The following GALNTL6 variants were observed in gnomAD, a reference collection of about 807,000 sequenced individuals.
GALNTL6 encodes polypeptide N-acetylgalactosaminyltransferase-like 6.
In GALNTL6, 46 loss-of-function variants were observed where a neutral mutation model predicts 73.7. The ratio of observed to expected loss-of-function variants is 0.62; its 90% CI spans 0.49 to 0.80. The LOEUF (loss-of-function observed/expected upper bound fraction) is 0.80, where lower values mean the gene tolerates loss of function less well. Ranked by LOEUF, GALNTL6 falls within the 30% of genes least tolerant of loss-of-function variation. GALNTL6 has a pLI of 0.00. For synonymous variants in GALNTL6, 259 were observed against 263.7 expected, an observed-to-expected ratio of 0.98 and a Z score of 0.17; for missense variants, 604 against 755.0, an observed-to-expected ratio of 0.80 and a Z score of 2.34.
chr4:172,396,362 A>T lies in GALNTL6; in HGVS notation c.553+47673A>T, dbSNP rs192014461. Among the ~76,000 whole-genome samples, 105 of 120,578 alleles carry T rather than the reference A, an allele frequency of 8.7e-4. 1 individual carries two copies. Among genetic ancestry groups the T allele is most frequent in the Non-Finnish European group, 1.3e-3 (75 of 56,272 alleles). 79.1% of individuals were successfully genotyped at this position (120,578 alleles called of 152,430 possible). ...AAGCCTTTATATTCTACGTGTTTTG[A>T]TTTACCATAGTCCTCACTGCAGCAA... On this transcript the variant is annotated intron_variant, in intron 5 of 12. Coordinates refer to ENST00000506823, the MANE Select transcript of GALNTL6 (RefSeq NM_001034845.3).
At chr4:172,467,612 A>T (rs1732869617) in intron 5 of GALNTL6, among the ~76,000 whole-genome samples, 2 of 152,100 alleles carry the variant, frequency 1.3e-5, no homozygotes, top group South Asian at 4.1e-4. Context: ...TGTCAATTAT[A>T]CCACTTCCTA....
At chr4:172,663,466 T>G (rs184025862) in intron 5 of GALNTL6, among the ~76,000 whole-genome samples, 334 of 152,328 alleles carry the variant, frequency 2.2e-3, no homozygotes, top group African/African-American at 7.8e-3. Flanking sequence ...GTACTGTATA[T>G]TCAACCCCTC....
chr4:172,463,108 G>A (rs888249762), intron 5 of GALNTL6, among the ~76,000 whole-genome samples: 6 of 152,106 alleles, frequency 3.9e-5, no homozygotes, highest in Non-Finnish European at 5.9e-5. Flanking sequence ...CTTGTATGCA[G>A]GAAGATAAAT....
intron 3 of GALNTL6, among the ~76,000 whole-genome samples, chr4:172,285,540 T>C (rs1394201936): frequency 1.3e-5 from 2 of 152,180 alleles, no homozygotes; most frequent in East Asian, 3.8e-4. Flanking sequence ...AATTGTGCCC[T>C]GGGTTCCAAC....
intron 4 of GALNTL6, among the ~76,000 whole-genome samples, chr4:172,314,429 T>C (rs556227930): frequency 1.3e-5 from 2 of 152,120 alleles, no homozygotes; most frequent in South Asian, 4.1e-4. Flanking sequence ...ACTTATGCCA[T>C]GTGATAAACT....
chr4:172,348,335 G>T (rs939754743), intron 4 of GALNTL6, among the ~76,000 whole-genome samples, 188 bp from the exon 5 acceptor site: 2 of 152,196 alleles, frequency 1.3e-5, no homozygotes, highest in African/African-American at 4.8e-5. Flanking sequence ...AAGAGTGAGT[G>T]TGAAAGGAGA....
intron 5 of GALNTL6, among the ~76,000 whole-genome samples, chr4:172,435,125 T>A (rs1731587564): frequency 6.6e-6 from 1 of 152,148 alleles, no homozygotes; most frequent in Non-Finnish European, 1.5e-5. Flanking sequence ...TCATCAATTA[T>A]TATAATAGGT....
chr4:172,470,671 C>A (rs147436379), intron 5 of GALNTL6, among the ~76,000 whole-genome samples: 4 of 152,162 alleles, frequency 2.6e-5, no homozygotes, highest in African/African-American at 7.2e-5. Flanking sequence ...AGCCTTACTA[C>A]TTGTTAAAAA....
At chr4:171,844,593 T>C (rs1304231499) in intron 2 of GALNTL6, among the ~76,000 whole-genome samples, 1 of 152,170 alleles carries the variant, frequency 6.6e-6, no homozygotes, top group East Asian at 1.9e-4. Flanking sequence ...AGTTCGTTGA[T>C]GTGACAGATT....
At chr4:173,021,760 G>A (rs558247579) in intron 12 of GALNTL6, 135 bp downstream of exon 12, 20 of 826,194 alleles carry the variant, frequency 2.4e-5, no homozygotes, top group Non-Finnish European at 3.5e-5. Flanking sequence ...CTGGGAGGTC[G>A]AGGTGGGCAG....
At chr4:172,557,866 A>G (rs996062270) in intron 5 of GALNTL6, among the ~76,000 whole-genome samples, 5 of 152,150 alleles carry the variant, frequency 3.3e-5, no homozygotes, top group African/African-American at 9.7e-5. Context: ...GCATATATCT[A>G]CCTATGACCC....
intron 2 of GALNTL6, among the ~76,000 whole-genome samples, chr4:172,173,186 C>T (rs893441595): frequency 3.3e-5 from 5 of 152,238 alleles, no homozygotes; most frequent in African/African-American, 9.6e-5. Context: ...AAACCTGTGA[C>T]TGCTACAGCA....
chr4:172,243,380 TC>T (rs1293958341), intron 3 of GALNTL6, among the ~76,000 whole-genome samples: 2 of 152,174 alleles, frequency 1.3e-5, no homozygotes, highest in African/African-American at 4.8e-5. Flanking sequence ...AGCAATATCT[TC>T]CTATCTATAT....
chr4:172,230,956 T>C (rs1445057672), intron 3 of GALNTL6, among the ~76,000 whole-genome samples: 1 of 152,130 alleles, frequency 6.6e-6, no homozygotes, highest in Non-Finnish European at 1.5e-5. Flanking sequence ...CTGACTGAAT[T>C]ACAGTCTTTT....
intron 2 of GALNTL6, among the ~76,000 whole-genome samples, chr4:172,221,294 C>G (rs1281279773): frequency 6.6e-6 from 1 of 151,700 alleles, no homozygotes; most frequent in Admixed American, 6.6e-5. Flanking sequence ...AATATTGATT[C>G]TGGAGAACAA....
At chr4:172,676,242 GA>G (rs1488307473) in intron 5 of GALNTL6, among the ~76,000 whole-genome samples, 2 of 152,178 alleles carry the variant, frequency 1.3e-5, no homozygotes, top group African/African-American at 4.8e-5. Context: ...TATAAAATGT[GA>G]AGTGAAGAAA....
chr4:172,681,561 T>C (rs1287541764), intron 5 of GALNTL6, among the ~76,000 whole-genome samples: 1 of 152,204 alleles, frequency 6.6e-6, no homozygotes, highest in Admixed American at 6.5e-5. Context: ...TAAATTACTT[T>C]CATGTGTTTC....
intron 7 of GALNTL6, among the ~76,000 whole-genome samples, chr4:172,869,641 T>A (rs1193153242): frequency 1.3e-5 from 2 of 152,218 alleles, no homozygotes; most frequent in Admixed American, 1.3e-4. Flanking sequence ...TTATTTCCAA[T>A]GTCATCTAAG....
At chr4:171,944,075 C>G (rs1445258777) in intron 2 of GALNTL6, among the ~76,000 whole-genome samples, 1 of 151,678 alleles carries the variant, frequency 6.6e-6, no homozygotes, top group African/African-American at 2.4e-5. Flanking sequence ...AATTTACATA[C>G]AATGATATCA....
Sources: gnomAD v4.1 joint callset for allele counts (sites outside exome capture counted in the v4.1 genomes callset) on GRCh38, gnomAD v4.1.1 for gene constraint, MANE v1.5 for transcripts, NCBI Gene and HGNC (gene_info 2026-07-23, HGNC 2026-07-21) for gene names.